The following SNX9 variants were observed in gnomAD, a reference collection of about 807,000 sequenced individuals.
The protein encoded by SNX9 is sorting nexin-9.
Under a neutral mutation model 89.4 loss-of-function variants are expected in SNX9, and 44 were observed. The observed-to-expected ratio is 0.49, with a 90% CI of 0.39 to 0.63. The LOEUF (loss-of-function observed/expected upper bound fraction) is 0.63. Among genes scored for constraint, SNX9 ranks in the 30% least tolerant of loss-of-function variants. The pLI is 0.00. For synonymous variants in SNX9, 236 were observed against 247.8 expected, an observed-to-expected ratio of 0.95 and a Z score of 0.45; for missense variants, 578 against 736.1, an observed-to-expected ratio of 0.79 and a Z score of 2.49.
intron 1 of SNX9, among the ~76,000 whole-genome samples, chr6:157,854,924 A>AT (rs1554292494): frequency 6.7e-6 from 1 of 150,240 alleles, no homozygotes; most frequent in Non-Finnish European, 1.5e-5. Flanking sequence ...TAAATTTTTA[A>AT]TTTTTTTGAC....
At chr6:157,911,662 A>T (rs1353178950) in intron 9 of SNX9, among the ~76,000 whole-genome samples, 1 of 152,230 alleles carries the variant, frequency 6.6e-6, no homozygotes, top group Non-Finnish European at 1.5e-5. Context: ...CTGATCCCAT[A>T]GCTTACTCTG....
At chr6:157,914,196 A>G (rs1345248867) in intron 9 of SNX9, among the ~76,000 whole-genome samples, 2 of 152,114 alleles carry the variant, frequency 1.3e-5, no homozygotes, top group Non-Finnish European at 2.9e-5. Context: ...TCCGATAGGT[A>G]TGCAGTGGTA....
intron 16 of SNX9, 32 bp downstream of exon 16, chr6:157,938,779 T>A: frequency 6.5e-7 from 1 of 1,528,542 alleles, no homozygotes; most frequent in Non-Finnish European, 8.9e-7. Context: ...GAGGTGCTGG[T>A]GGAAGTTTTT....
chr6:157,833,324 A>G (rs1316701189), intron 1 of SNX9, among the ~76,000 whole-genome samples: 1 of 152,172 alleles, frequency 6.6e-6, no homozygotes, highest in Non-Finnish European at 1.5e-5. Context: ...TACTGTCTTT[A>G]GGCCTCTAAA....
rs11318113 is a variant in SNX9, at chr6:157,838,317, A to AT, written c.12+14885dup. 4.8e-3 allele frequency among the ~76,000 whole-genome samples: 698 copies of AT among 145,802 alleles called. 3 individuals carry two copies. Among genetic ancestry groups the AT allele is most frequent in the South Asian group, 0.041 (189 of 4,582 alleles). ...CATGAACCACTGTGCTCGACCAATAATTTTTTTTTTTTTTATTCAACAGTC... is the reference window on the plus strand; with the variant it reads ...CATGAACCACTGTGCTCGACCAATAATTTTTTTTTTTTTTTATTCAACAGTC... On this transcript the variant is annotated intron_variant, in intron 1 of 17. Coordinates refer to ENST00000392185, the MANE Select transcript of SNX9 (RefSeq NM_016224.5).
intron 1 of SNX9, among the ~76,000 whole-genome samples, chr6:157,834,506 C>T (rs1035099406): frequency 1.4e-5 from 2 of 145,978 alleles, no homozygotes; most frequent in African/African-American, 5.3e-5. Flanking sequence ...GCCACCCCCC[C>T]GGCCAATTTT....
At chr6:157,854,964 A>AC (rs1332174164) in intron 1 of SNX9, among the ~76,000 whole-genome samples, 4 of 151,350 alleles carry the variant, frequency 2.6e-5, no homozygotes, top group African/African-American at 9.7e-5. Flanking sequence ...AAAAAAAAAA[A>AC]AAAAACCCCA....
intron 9 of SNX9, among the ~76,000 whole-genome samples, chr6:157,914,565 C>A (rs571483697): frequency 1.2e-4 from 18 of 148,506 alleles, no homozygotes; most frequent in African/African-American, 3.5e-4. Flanking sequence ...CAACCTTGAC[C>A]TCCCGGGCTC....
chr6:157,844,587 G>GTTTTTTTGTTTTTTTTTTTTTTT lies in SNX9; in HGVS notation c.12+21148_12+21149insGTTTTTTTTTTTTTTTTTTTTTT, dbSNP rs1554291784. Among the ~76,000 whole-genome samples, 46 of 130,288 alleles carry GTTTTTTTGTTTTTTTTTTTTTTT rather than the reference G, an allele frequency of 3.5e-4. 1 individual carries two copies. Among genetic ancestry groups the GTTTTTTTGTTTTTTTTTTTTTTT allele is most frequent in the South Asian group, 5.0e-4 (2 of 3,982 alleles). 85.5% of individuals were successfully genotyped at this position (130,288 alleles called of 152,430 possible). ...ATTTTTAATCTTGTGGCTAATCCTT[G>GTTTTTTTGTTTTTTTTTTTTTTT]TTTTTTTTTTTTGTTTTTTTTTTTG... On this transcript the variant is annotated intron_variant, in intron 1 of 17. Coordinates refer to ENST00000392185, the MANE Select transcript of SNX9 (RefSeq NM_016224.5).
intron 1 of SNX9, chr6:157,830,536 G>A (rs1242739507): frequency 6.6e-6 from 1 of 152,274 alleles, no homozygotes; most frequent in African/African-American, 2.4e-5. Flanking sequence ...GCACAGCTTG[G>A]GTTTCCTGGG....
chr6:157,865,091 C>T (rs1211461629), intron 1 of SNX9, among the ~76,000 whole-genome samples: 1 of 152,072 alleles, frequency 6.6e-6, no homozygotes, highest in African/African-American at 2.4e-5. Context: ...TGTAATCCCA[C>T]ACTTTGGGAA....
intron 1 of SNX9, among the ~76,000 whole-genome samples, chr6:157,839,996 T>TG (rs1218725734): frequency 2.0e-5 from 3 of 151,910 alleles, no homozygotes; most frequent in Non-Finnish European, 4.4e-5. Flanking sequence ...TGAAAGCAGG[T>TG]GAAAAAAAAC....
intron 14 of SNX9, 68 bp from the exon 15 acceptor site, chr6:157,937,365 TA>T: frequency 9.3e-7 from 1 of 1,076,876 alleles, no homozygotes; most frequent in Non-Finnish European, 1.4e-6. Flanking sequence ...TCTTTGGGTA[TA>T]ATAGTTCTCT....
At chr6:157,862,003 G>T (rs536016055) in intron 1 of SNX9, among the ~76,000 whole-genome samples, 10 of 152,160 alleles carry the variant, frequency 6.6e-5, no homozygotes, top group Non-Finnish European at 1.5e-4. Context: ...GCTGGACAAA[G>T]GGATGATTCA....
intron 1 of SNX9, among the ~76,000 whole-genome samples, chr6:157,824,928 C>G (rs1211685660): frequency 3.3e-5 from 5 of 152,278 alleles, no homozygotes; most frequent in African/African-American, 1.2e-4. Flanking sequence ...CATCCTAGTA[C>G]ATGCTCATCT....
intron 9 of SNX9, among the ~76,000 whole-genome samples, chr6:157,917,863 C>T (rs1265043914): frequency 6.6e-6 from 1 of 151,990 alleles, no homozygotes; most frequent in Non-Finnish European, 1.5e-5. Flanking sequence ...TGGTTGAATC[C>T]ATGGGTGCAG....
intron 14 of SNX9, among the ~76,000 whole-genome samples, chr6:157,936,543 A>T (rs1381084652): frequency 3.3e-5 from 5 of 152,222 alleles, no homozygotes. Flanking sequence ...AATGCACTCC[A>T]GTATTGATGC....
chr6:157,860,839 C>G (rs1391765469), intron 1 of SNX9, among the ~76,000 whole-genome samples: 1 of 152,164 alleles, frequency 6.6e-6, no homozygotes, highest in Admixed American at 6.5e-5. Flanking sequence ...CTCTGCTCCC[C>G]TAGAATTGTA....
chr6:157,924,796 A>G (rs927272156), intron 10 of SNX9: 1 of 152,206 alleles, frequency 6.6e-6, no homozygotes, highest in African/African-American at 2.4e-5. Flanking sequence ...AAAGATTGGC[A>G]AAAGTGTTGG....
Sources: gnomAD v4.1 joint callset for allele counts (sites outside exome capture counted in the v4.1 genomes callset) on GRCh38, gnomAD v4.1.1 for gene constraint, MANE v1.5 for transcripts, NCBI Gene and HGNC (gene_info 2026-07-23, HGNC 2026-07-21) for gene names.